ZBTB7C: variants seen among roughly 807,000 people sequenced by gnomAD.
ZBTB7C encodes zinc finger and BTB domain-containing protein 7C.
ZBTB7C carries 8 observed loss-of-function variants against 25.7 expected under a neutral mutation model. That is an observed-to-expected ratio of 0.31 (90% confidence interval 0.18 to 0.56). The LOEUF is 0.56. Among genes scored for constraint, ZBTB7C ranks in the 20% least tolerant of loss-of-function variants. ZBTB7C has a pLI of 0.91. For missense variants in ZBTB7C, 824 were observed against 855.2 expected (o/e 0.96, Z 0.46); for synonymous variants, 394 against 369.0 (o/e 1.07, Z -0.78).
At chr18:48,243,621 A>ATTCAG (rs1275593016) in intron 2 of ZBTB7C, among the ~76,000 whole-genome samples, 1 of 152,010 alleles carries the variant, frequency 6.6e-6, no homozygotes, top group Non-Finnish European at 1.5e-5. Context: ...CACAAATTCA[A>ATTCAG]TGAAACTCCC....
chr18:48,327,975 G>A lies in ZBTB7C; in HGVS notation c.-79+10199C>T, dbSNP rs190793163. Among the ~76,000 whole-genome samples, 1,176 of 152,020 alleles carry A rather than the reference G, an allele frequency of 7.7e-3. 15 individuals carry two copies. The highest frequency in any genetic ancestry group is 0.026 in the African/African-American group (1,098 of 41,442). ...TGTAACCCCAGCACTTTGGGAGGCC[G>A]AGGCGGGCGGATCACGAGGTCAGGA... On this transcript the variant is annotated intron_variant, in intron 2 of 4. Transcript: ENST00000590800.
At chr18:48,288,908 A>T (rs995731508) in intron 2 of ZBTB7C, among the ~76,000 whole-genome samples, 1 of 152,364 alleles carries the variant, frequency 6.6e-6, no homozygotes, top group East Asian at 1.9e-4. Context: ...GACAAAGATC[A>T]GTATAAAAAC....
chr18:48,227,232 G>T (rs2145328301), intron 2 of ZBTB7C, among the ~76,000 whole-genome samples: 1 of 152,288 alleles, frequency 6.6e-6, no homozygotes, highest in African/African-American at 2.4e-5. Context: ...TTTACAGTGA[G>T]CAATGAAAAA....
intron 3 of ZBTB7C, among the ~76,000 whole-genome samples, chr18:48,117,283 A>C (rs1568232071): frequency 2.0e-5 from 3 of 152,232 alleles, no homozygotes. Context: ...GGCAGGATAG[A>C]CTAGAATCTA....
At chr18:48,194,378 G>A (rs2042269192) in intron 2 of ZBTB7C, among the ~76,000 whole-genome samples, 1 of 152,204 alleles carries the variant, frequency 6.6e-6, no homozygotes, top group Non-Finnish European at 1.5e-5. Flanking sequence ...ATGCAGAGTG[G>A]TGATATTGCG....
intron 3 of ZBTB7C, among the ~76,000 whole-genome samples, chr18:48,120,864 G>T (rs2039605026): frequency 6.6e-6 from 1 of 152,146 alleles, no homozygotes; most frequent in Non-Finnish European, 1.5e-5. Context: ...TGCAGAGGAT[G>T]CTGGGAAGGA....
chr18:48,096,590 A>T (rs1375544381), intron 3 of ZBTB7C, among the ~76,000 whole-genome samples: 1 of 152,222 alleles, frequency 6.6e-6, no homozygotes, highest in Non-Finnish European at 1.5e-5. Context: ...CTCTGCTCCA[A>T]GCTGTTGCTG....
chr18:48,041,601 G>T (rs1268930258), intron 3 of ZBTB7C: 1 of 960,566 alleles, frequency 1.0e-6, no homozygotes, highest in African/African-American at 1.8e-5. Flanking sequence ...CTTACACTTT[G>T]CACTGGCTAC....
Position 48,143,537 on chromosome 18 carries a change from T to A in ZBTB7C, c.-17+42397A>T, listed in dbSNP as rs139970276. ...CCTCAAGAGCTGAGGTCTGGCTACA[T>A]TAGCTGCAAACTGTCATCATGACCC... is the stretch of plus-strand genomic sequence containing the variant. On this transcript the variant is annotated intron_variant, in intron 3 of 4. Transcript: ENST00000590800. Among the ~76,000 whole-genome samples, 289 of 152,312 alleles carry A rather than the reference T, an allele frequency of 1.9e-3. 1 individual carries two copies. The highest frequency in any genetic ancestry group is 6.6e-3 in the African/African-American group (274 of 41,576).
At chr18:48,289,691 T>C (rs1315720918) in intron 2 of ZBTB7C, among the ~76,000 whole-genome samples, 1 of 152,122 alleles carries the variant, frequency 6.6e-6, no homozygotes, top group Non-Finnish European at 1.5e-5. Context: ...AAATAATTTG[T>C]ACCCCCATGG....
At chr18:48,227,356 A>G (rs144971597) in intron 2 of ZBTB7C, among the ~76,000 whole-genome samples, 9 of 152,342 alleles carry the variant, frequency 5.9e-5, no homozygotes, top group Non-Finnish European at 1.2e-4. Context: ...TTCTCGCTCC[A>G]TCCTTCTGGG....
chr18:48,077,160 T>C (rs1315193187), intron 3 of ZBTB7C, among the ~76,000 whole-genome samples: 1 of 142,334 alleles, frequency 7.0e-6, no homozygotes, highest in African/African-American at 2.6e-5. Context: ...CCTGCAGGGG[T>C]GGGGTGGAGG....
Position 48,029,553 on chromosome 18 carries a change from C to G in ZBTB7C, c.1567G>C (p.Val523Leu). ...EVGGHLGGAA[V>L]CLPGPSPAKH... Reference sequence around the variant, plus strand: ...GCGGGGCTGGGGCCCGGGAGGCACACAGCTGCGCCGCCCAGGTGGCCGCCC... The same window carrying G: ...GCGGGGCTGGGGCCCGGGAGGCACAGAGCTGCGCCGCCCAGGTGGCCGCCC... The change falls in exon 5 of 5, where the codon GTG becomes CTG. Residue 523 changes from valine to leucine, a missense_variant. Coordinates refer to ENST00000590800, the MANE Select transcript of ZBTB7C (RefSeq NM_001318841.2). The G allele has an allele frequency of 1.3e-6, 2 of 1,542,036 alleles. No individual in the cohort carries two copies. The highest frequency in any genetic ancestry group is 1.7e-6 in the Non-Finnish European group (2 of 1,156,914).
At chr18:48,318,539 A>G (rs1598859363) in intron 2 of ZBTB7C, among the ~76,000 whole-genome samples, 2 of 152,194 alleles carry the variant, frequency 1.3e-5, no homozygotes, top group Admixed American at 1.3e-4. Flanking sequence ...GGAGGGTCGC[A>G]TCTGCGGCCC....
intron 2 of ZBTB7C, among the ~76,000 whole-genome samples, chr18:48,246,290 C>T (rs146381184): frequency 0.013 from 2,045 of 151,928 alleles, 22 homozygotes; most frequent in Non-Finnish European, 0.022. Flanking sequence ...GTTAGCCGGG[C>T]GTGGTGGCGG....
chr18:48,098,894 T>C (rs780288713), intron 3 of ZBTB7C, among the ~76,000 whole-genome samples: 1 of 152,200 alleles, frequency 6.6e-6, no homozygotes, highest in Non-Finnish European at 1.5e-5. Context: ...CTTGCCACTT[T>C]GTAAACAGGT....
intron 2 of ZBTB7C, among the ~76,000 whole-genome samples, chr18:48,291,908 C>T (rs2045240748): frequency 6.6e-6 from 1 of 152,166 alleles, no homozygotes; most frequent in South Asian, 2.1e-4. Flanking sequence ...TTAAAAATTG[C>T]TACCATTAGC....
rs1405622507 is a variant in ZBTB7C at position 48,027,238 on chromosome 18, AG to A, written c.*2021del. 1.3e-5 allele frequency: 2 copies of A among 152,198 alleles called. No homozygotes were observed. Among genetic ancestry groups the A allele is most frequent in the Non-Finnish European group, 2.9e-5 (2 of 68,038 alleles). The allele number at this position is 152,198 out of a possible 1,614,324, so 9.4% of individuals were successfully genotyped here. Reference sequence around the variant, plus strand: ...TTTACAATGTACAATTCCAAACTGCAGCCAAGAAAAAACAGAAAGAACTAAC... The same window carrying A: ...TTTACAATGTACAATTCCAAACTGCACCAAGAAAAAACAGAAAGAACTAAC... On this transcript the variant is annotated 3_prime_UTR_variant, in exon 5 of 5. Coordinates refer to ENST00000590800, the MANE Select transcript of ZBTB7C (RefSeq NM_001318841.2).
intron 1 of ZBTB7C, among the ~76,000 whole-genome samples, chr18:48,391,704 C>T (rs549891926): frequency 6.6e-6 from 1 of 152,320 alleles, no homozygotes; most frequent in East Asian, 1.9e-4. Flanking sequence ...TGTTGAACTA[C>T]ACGTGGTTGG....
Sources: gnomAD v4.1 joint callset for allele counts (sites outside exome capture counted in the v4.1 genomes callset) on GRCh38, gnomAD v4.1.1 for gene constraint, MANE v1.5 for transcripts, NCBI Gene and HGNC (gene_info 2026-07-23, HGNC 2026-07-21) for gene names.